The following MSRB3 variants were observed in gnomAD, a reference collection of about 807,000 sequenced individuals.
The protein encoded by MSRB3 is methionine-R-sulfoxide reductase B3.
In MSRB3, 13 loss-of-function variants were observed where a neutral mutation model predicts 21.0. The ratio of observed to expected loss-of-function variants is 0.62; its 90% CI spans 0.40 to 0.98. The LOEUF is 0.98. MSRB3 is among the 50% of genes least tolerant of loss of function. The pLI, the probability that MSRB3 is intolerant of heterozygous loss-of-function variation, is 0.00. For synonymous variants in MSRB3, 87 were observed against 88.6 expected, an observed-to-expected ratio of 0.98 and a Z score of 0.10; for missense variants, 199 against 230.3, an observed-to-expected ratio of 0.86 and a Z score of 0.88.
In MSRB3 at chr12:65,393,087, T is replaced by C. The variant is rs546242003; in HGVS notation, c.292+24061T>C. On this transcript the variant is annotated intron_variant, in intron 5 of 6. Transcript: ENST00000308259. ...GAATTATTCCTTTCTATTAAAAATATTCCTTTTTATTTTTGTCACTGTTGT... is the reference window on the plus strand; with the variant it reads ...GAATTATTCCTTTCTATTAAAAATACTCCTTTTTATTTTTGTCACTGTTGT... 1.2e-4 allele frequency among the ~76,000 whole-genome samples: 18 copies of C among 152,252 alleles called. No individual in the cohort carries two copies. In the South Asian group the frequency reaches 3.5e-3, roughly 30 times the overall value.
intron 4 of MSRB3, among the ~76,000 whole-genome samples, chr12:65,366,311 G>C (rs1158295439): frequency 6.6e-6 from 1 of 152,170 alleles, no homozygotes; most frequent in Non-Finnish European, 1.5e-5. Context: ...TGGACTGGAG[G>C]TACACACATG....
chr12:65,350,780 C>T (rs1463292502), intron 4 of MSRB3, among the ~76,000 whole-genome samples: 5 of 138,840 alleles, frequency 3.6e-5, no homozygotes, highest in Non-Finnish European at 7.7e-5. Context: ...AATATATATG[C>T]ACCCAATACA....
chr12:65,427,769 G>A (rs1033261272), intron 5 of MSRB3, among the ~76,000 whole-genome samples: 9 of 152,238 alleles, frequency 5.9e-5, no homozygotes, highest in Non-Finnish European at 1.2e-4. Context: ...GAGCACAAAT[G>A]TGTGTAGTTA....
chr12:65,374,762 C>T (rs558782457), intron 5 of MSRB3, among the ~76,000 whole-genome samples: 14 of 152,110 alleles, frequency 9.2e-5, no homozygotes, highest in Non-Finnish European at 1.6e-4. Flanking sequence ...TTGTGAATAC[C>T]GTTCTATTCT....
intron 5 of MSRB3, among the ~76,000 whole-genome samples, chr12:65,437,387 C>G (rs954358774): frequency 4.6e-5 from 7 of 151,874 alleles, no homozygotes; most frequent in African/African-American, 1.7e-4. Context: ...ATACAGGAGG[C>G]TTTTTCTTAT....
chr12:65,421,693 T>C (rs1393967235), intron 5 of MSRB3, among the ~76,000 whole-genome samples: 1 of 152,202 alleles, frequency 6.6e-6, no homozygotes, highest in Non-Finnish European at 1.5e-5. Flanking sequence ...GAAGTTTTTT[T>C]ACCTCCAGAC....
chr12:65,330,892 G>A (rs951926171), intron 4 of MSRB3, among the ~76,000 whole-genome samples: 1 of 152,142 alleles, frequency 6.6e-6, no homozygotes, highest in Non-Finnish European at 1.5e-5. Flanking sequence ...ACTTAAGTGA[G>A]AAGGCTGCCA....
chr12:65,355,255 A>G (rs1028897209), intron 4 of MSRB3, among the ~76,000 whole-genome samples: 2 of 151,932 alleles, frequency 1.3e-5, no homozygotes, highest in African/African-American at 4.8e-5. Flanking sequence ...TAGCTTGTGT[A>G]TTAGTGTCAA....
intron 4 of MSRB3, 63 bp downstream of exon 4, chr12:65,328,666 T>G (rs1332204513): frequency 1.8e-6 from 2 of 1,083,312 alleles, no homozygotes; most frequent in Non-Finnish European, 1.4e-6. Context: ...TAGTTATTGC[T>G]TTTTCATCTT....
chr12:65,328,453 A>G (rs769659798), intron 3 of MSRB3, 73 bp from the exon 4 acceptor site: 2 of 1,063,758 alleles, frequency 1.9e-6, no homozygotes, highest in Non-Finnish European at 2.9e-6. Flanking sequence ...TTAGAGAAAT[A>G]TATTTTAAGC....
rs191115965 is a variant in MSRB3 at position 65,426,105 on chromosome 12, G to A, written c.293-27623G>A. Among the ~76,000 whole-genome samples, 209 of 152,126 alleles carry A rather than the reference G, an allele frequency of 1.4e-3. 1 individual carries two copies. Among genetic ancestry groups the A allele is most frequent in the African/African-American group, 4.2e-3 (175 of 41,518 alleles). ...ACTCCTGAACACAAGCAATCTGCCC[G>A]CCCGCCTCAGCCTCCCAAAGTGTTG... is the stretch of plus-strand genomic sequence containing the variant. On this transcript the variant is annotated intron_variant, in intron 5 of 6. Transcript: ENST00000308259.
intron 5 of MSRB3, among the ~76,000 whole-genome samples, chr12:65,380,488 T>C (rs1003884721): frequency 6.6e-6 from 1 of 152,004 alleles, no homozygotes; most frequent in Admixed American, 6.6e-5. Flanking sequence ...AGGTGGAGAA[T>C]TGCTTGAACC....
At chr12:65,376,320 C>T (rs943199490) in intron 5 of MSRB3, among the ~76,000 whole-genome samples, 1 of 152,028 alleles carries the variant, frequency 6.6e-6, no homozygotes. Context: ...GGGGTTTCAC[C>T]GTGTTAGCCA....
intron 4 of MSRB3, among the ~76,000 whole-genome samples, chr12:65,354,857 A>G (rs1877286021): frequency 1.3e-5 from 2 of 151,988 alleles, no homozygotes; most frequent in South Asian, 2.1e-4. Context: ...TTTTCAAACC[A>G]CAAGCTGAAA....
chr12:65,410,801 T>G (rs1880676665), intron 5 of MSRB3, among the ~76,000 whole-genome samples: 1 of 152,238 alleles, frequency 6.6e-6, no homozygotes, highest in Non-Finnish European at 1.5e-5. Context: ...ATATCTGTCA[T>G]AATTTAGTAA....
At chr12:65,440,421 A>G (rs1428119393) in intron 5 of MSRB3, among the ~76,000 whole-genome samples, 2 of 151,924 alleles carry the variant, frequency 1.3e-5, no homozygotes, top group South Asian at 2.1e-4. Context: ...ACTGTTATCA[A>G]TTAAGAAGAA....
chr12:65,435,495 G>A (rs761833108), intron 5 of MSRB3, among the ~76,000 whole-genome samples: 1 of 151,700 alleles, frequency 6.6e-6, no homozygotes, highest in Non-Finnish European at 1.5e-5. Flanking sequence ...ATTCAGATTT[G>A]GTCATAATAT....
intron 5 of MSRB3, among the ~76,000 whole-genome samples, chr12:65,436,372 G>A (rs142633305): frequency 2.2e-4 from 34 of 151,802 alleles, no homozygotes; most frequent in Admixed American, 1.4e-3. Context: ...GTTATGTAAT[G>A]TGTTAATAAA....
At chr12:65,425,823 G>T (rs748602542) in intron 5 of MSRB3, among the ~76,000 whole-genome samples, 66 of 152,154 alleles carry the variant, frequency 4.3e-4, no homozygotes, top group Non-Finnish European at 4.3e-4. Flanking sequence ...ATTTGAGGAT[G>T]TAATTACTTT....
Sources: gnomAD v4.1 joint callset for allele counts (sites outside exome capture counted in the v4.1 genomes callset) on GRCh38, gnomAD v4.1.1 for gene constraint, MANE v1.5 for transcripts, NCBI Gene and HGNC (gene_info 2026-07-23, HGNC 2026-07-21) for gene names.